The following COL6A6 variants were observed in gnomAD, a reference collection of about 807,000 sequenced individuals.
COL6A6 encodes the protein collagen type VI alpha 6 chain, also known as collagen alpha-6(VI) chain.
COL6A6 carries 183 observed loss-of-function variants against 208.6 expected under a neutral mutation model. That is an observed-to-expected ratio of 0.88 (90% CI 0.78 to 0.99). The LOEUF (loss-of-function observed/expected upper bound fraction) is 0.99, where lower values mean the gene tolerates loss of function less well. COL6A6 is among the 50% of genes least tolerant of loss of function. COL6A6 has a pLI of 0.00. For synonymous variants in COL6A6, 973 were observed against 1,011.8 expected, an observed-to-expected ratio of 0.96 and a Z score of 0.73; for missense variants, 2,816 against 2,815.2, an observed-to-expected ratio of 1.00 and a Z score of -0.01.
chr3:130,563,065 C>T lies in COL6A6; in HGVS notation c.65-3C>T. The T allele has an allele frequency of 1.9e-6, 3 of 1,592,798 alleles. No individual in the cohort carries two copies. Among genetic ancestry groups the T allele is most frequent in the African/African-American group, 2.7e-5 (2 of 74,250 alleles). Reference sequence around the variant, plus strand: ...GTTCGTTCATATGTTTGTGGTTTTGCAGGCCCTGAGTATGCAGATGTTGTG... The same window carrying T: ...GTTCGTTCATATGTTTGTGGTTTTGTAGGCCCTGAGTATGCAGATGTTGTG... On this transcript the variant is annotated splice_polypyrimidine_tract_variant and splice_region_variant and intron_variant, in intron 2 of 36. Coordinates refer to ENST00000358511, the MANE Select transcript of COL6A6 (RefSeq NM_001102608.3).
intron 5 of COL6A6, 43 bp from the exon 6 acceptor site, chr3:130,568,004 C>G: frequency 6.7e-7 from 1 of 1,495,060 alleles, no homozygotes; most frequent in Non-Finnish European, 9.0e-7. Flanking sequence ...GAACTTTTTA[C>G]ATGTAGCTGA....
At chr3:130,581,227 C>T (rs1460676701) in intron 8 of COL6A6, among the ~76,000 whole-genome samples, 1 of 151,930 alleles carries the variant, frequency 6.6e-6, no homozygotes, top group Non-Finnish European at 1.5e-5. Flanking sequence ...ATATGAATGT[C>T]TTATTTTAGA....
intron 8 of COL6A6, among the ~76,000 whole-genome samples, chr3:130,581,250 C>T (rs1198946244): frequency 1.3e-5 from 2 of 152,032 alleles, no homozygotes; most frequent in Non-Finnish European, 2.9e-5. Flanking sequence ...AATGACATTT[C>T]CACAGTGTAC....
rs1221247828 is a variant in COL6A6 at position 130,548,467 on chromosome 3, G to C, written c.-31-11867G>C. On this transcript the variant is annotated intron_variant, in intron 1 of 36. Coordinates refer to ENST00000358511, the MANE Select transcript of COL6A6 (RefSeq NM_001102608.3). ...TTCTCCCACATGCAAATCTAAAGGG[G>C]GTTGGAGTTGGATATTTCTTCCTCC... Among the ~76,000 whole-genome samples the C allele has an allele frequency of 2.6e-5, 4 of 152,300 alleles. No homozygotes were observed. The South Asian group carries it at 6.2e-4, about 24-fold the overall frequency.
At chr3:130,543,960 T>C (rs1577655595) in intron 1 of COL6A6, among the ~76,000 whole-genome samples, 2 of 152,332 alleles carry the variant, frequency 1.3e-5, no homozygotes, top group Admixed American at 6.5e-5. Flanking sequence ...TATTTTGATA[T>C]ATATAGTAAA....
intron 1 of COL6A6, among the ~76,000 whole-genome samples, chr3:130,545,736 C>T (rs1336783342): frequency 2.6e-5 from 4 of 152,188 alleles, no homozygotes; most frequent in East Asian, 1.9e-4. Flanking sequence ...GGATTACAGG[C>T]GTGAGCCACT....
intron 6 of COL6A6, among the ~76,000 whole-genome samples, chr3:130,570,079 G>A (rs1419509339): frequency 6.6e-6 from 1 of 152,202 alleles, no homozygotes; most frequent in Non-Finnish European, 1.5e-5. Context: ...GAATGGATGA[G>A]TTAGTTTTGG....
intron 11 of COL6A6, among the ~76,000 whole-genome samples, chr3:130,588,797 G>T (rs1184529954): frequency 1.3e-5 from 2 of 151,826 alleles, no homozygotes; most frequent in Non-Finnish European, 1.5e-5. Context: ...ACATCAGTTG[G>T]CATGCAGTCA....
At chr3:130,561,465 A>G (rs975660164) in intron 2 of COL6A6, among the ~76,000 whole-genome samples, 1 of 152,238 alleles carries the variant, frequency 6.6e-6, no homozygotes. Flanking sequence ...TCAGATGGCC[A>G]TAAAAGGAAT....
Position 130,574,097 on chromosome 3 carries a change from G to C in COL6A6, c.3119G>C (p.Gly1040Ala), listed in dbSNP as rs375474560. ...FDVSLNRVRI[G>A]AAQFSDTYHP... is the part of the protein sequence containing the mutation. ...GTCAGCCTCAACAGAGTGCGAATAGGAGCGGCCCAGTTTAGCGATACCTAT... is the reference window on the plus strand; with the variant it reads ...GTCAGCCTCAACAGAGTGCGAATAGCAGCGGCCCAGTTTAGCGATACCTAT... Residue 1040 changes from glycine to alanine, a missense_variant, in exon 8 of 37, where the codon GGA becomes GCA. Coordinates refer to ENST00000358511, the MANE Select transcript of COL6A6 (RefSeq NM_001102608.3). 23 of 1,613,844 alleles carry C rather than the reference G, an allele frequency of 1.4e-5. No homozygotes were observed. Among genetic ancestry groups the C allele is most frequent in the Non-Finnish European group, 1.9e-5 (23 of 1,179,900 alleles).
Position 130,598,424 on chromosome 3 carries a change from A to C in COL6A6, c.4593A>C (p.Gly1531=), listed in dbSNP as rs1560046655. The C allele has an allele frequency of 2.6e-6, 4 of 1,548,952 alleles. No homozygotes were observed. Among genetic ancestry groups the C allele is most frequent in the African/African-American group, 1.4e-5 (1 of 73,108 alleles). The part of the protein sequence containing the change: ...EGPTGLKGER[G]RQGRRGWPGP... ...CCACAGGCTTGAAAGGAGAACGTGG[A>C]AGACAAGTAATTACGTGGGCTTGTA... is the stretch of plus-strand genomic sequence containing the variant. Residue 1531 remains glycine (G), a synonymous_variant, in exon 19 of 37, where the codon GGA becomes GGC. Transcript: ENST00000358511.
chr3:130,674,592 GAAGA>G (rs1460594781), intron 36 of COL6A6, among the ~76,000 whole-genome samples: 16 of 152,178 alleles, frequency 1.1e-4, no homozygotes, highest in Admixed American at 9.8e-4. Flanking sequence ...TGGACCTATG[GAAGA>G]AAGGAAGAGA....
rs2107868826 is a variant in COL6A6, at chr3:130,563,401, C to T, written c.398C>T (p.Pro133Leu). 3.7e-6 allele frequency: 6 copies of T among 1,613,970 alleles called. No homozygotes were observed. The Middle Eastern group carries it at 4.9e-4, about 133-fold the overall frequency. Residue 133 changes from proline to leucine, a missense_variant, in exon 3 of 37, where the codon CCA becomes CTA. Pro to Leu is a moderately conservative substitution (Grantham distance 98). Coordinates refer to ENST00000358511, the MANE Select transcript of COL6A6 (RefSeq NM_001102608.3). ...ANGRDKKQFP[P>L]ILVVLASSES... ...GGGAGAGACAAGAAACAGTTTCCCC[C>T]AATTCTAGTGGTCCTGGCTTCATCT...
At chr3:130,606,119 A>C (rs77958939) in intron 20 of COL6A6, among the ~76,000 whole-genome samples, 7,067 of 152,328 alleles carry the variant, frequency 0.046, 306 homozygotes, top group African/African-American at 0.11. Context: ...CTCTCAGAGA[A>C]CATCTCAAAT....
chr3:130,643,822 G>A (rs1283476323), intron 31 of COL6A6, among the ~76,000 whole-genome samples: 1 of 152,178 alleles, frequency 6.6e-6, no homozygotes, highest in Non-Finnish European at 1.5e-5. Context: ...GCCTATTTCA[G>A]TAGAGAACAT....
At chr3:130,540,584 G>A (rs2062339419) in intron 1 of COL6A6, among the ~76,000 whole-genome samples, 2 of 152,066 alleles carry the variant, frequency 1.3e-5, no homozygotes, top group Non-Finnish European at 2.9e-5. Context: ...GTGGTTTGCT[G>A]CATCTATCAA....
intron 12 of COL6A6, among the ~76,000 whole-genome samples, chr3:130,590,450 A>G (rs1330336568): frequency 7.7e-6 from 1 of 129,734 alleles, no homozygotes; most frequent in Non-Finnish European, 1.7e-5. Context: ...TCCTAATGCT[A>G]TCCCTCTCCC....
Position 130,642,989 on chromosome 3 carries a change from A to T in COL6A6, c.5193A>T (p.Thr1731=), listed in dbSNP as rs752075144. The change falls in exon 31 of 37, where the codon ACA becomes ACT. Residue 1731 remains threonine, a splice_region_variant and synonymous_variant. Coordinates refer to ENST00000358511, the MANE Select transcript of COL6A6 (RefSeq NM_001102608.3). ...KGAKGLASFS[T]CELIQYVRDR... Reference sequence around the variant, plus strand: ...TCTGTTTTATTTTCGAACTGCAGACATGTGAGCTCATTCAGTATGTGCGAG... The same window carrying T: ...TCTGTTTTATTTTCGAACTGCAGACTTGTGAGCTCATTCAGTATGTGCGAG... 35 of 1,613,906 alleles carry T rather than the reference A, an allele frequency of 2.2e-5. No homozygotes were observed. Among genetic ancestry groups the T allele is most frequent in the Non-Finnish European group, 3.0e-5 (35 of 1,179,778 alleles).
intron 24 of COL6A6, among the ~76,000 whole-genome samples, chr3:130,625,801 G>T (rs1380344674): frequency 1.3e-5 from 2 of 152,180 alleles, no homozygotes; most frequent in Non-Finnish European, 2.9e-5. Flanking sequence ...TGATTCGGTT[G>T]TGACAAATGT....
Sources: gnomAD v4.1 joint callset for allele counts (sites outside exome capture counted in the v4.1 genomes callset) on GRCh38, gnomAD v4.1.1 for gene constraint, MANE v1.5 for transcripts, NCBI Gene and HGNC (gene_info 2026-07-23, HGNC 2026-07-21) for gene names.